The following MTMR7 variants were observed in gnomAD, a reference collection of about 807,000 sequenced individuals.
MTMR7 encodes myotubularin related protein 7.
MTMR7 carries 76 observed loss-of-function variants against 81.2 expected under a neutral mutation model. That is an observed-to-expected ratio of 0.94 (90% CI 0.78 to 1.13). The LOEUF (loss-of-function observed/expected upper bound fraction) is 1.13, where lower values mean the gene tolerates loss of function less well. Among genes scored for constraint, MTMR7 ranks in the 50% most tolerant of loss-of-function variants. MTMR7 has a pLI of 0.00. For synonymous variants in MTMR7, 372 were observed against 289.8 expected, an observed-to-expected ratio of 1.28 and a Z score of -2.88; for missense variants, 1,044 against 820.0, an observed-to-expected ratio of 1.27 and a Z score of -3.34.
chr8:17,403,538 A>G (rs926932292), intron 1 of MTMR7, among the ~76,000 whole-genome samples: 4 of 152,202 alleles, frequency 2.6e-5, no homozygotes, highest in African/African-American at 9.6e-5. Context: ...CTTTTTGCAC[A>G]GAATACATTT....
At chr8:17,362,743 A>C (rs1294105197) in intron 3 of MTMR7, among the ~76,000 whole-genome samples, 1 of 152,186 alleles carries the variant, frequency 6.6e-6, no homozygotes, top group African/African-American at 2.4e-5. Context: ...TGTCCTTAGC[A>C]TAGTGATAGT....
intron 1 of MTMR7, among the ~76,000 whole-genome samples, chr8:17,374,958 C>A (rs774350312): frequency 6.6e-6 from 1 of 151,212 alleles, no homozygotes; most frequent in Admixed American, 6.6e-5. Context: ...GCGTGGTGCC[C>A]GGCACCTATA....
chr8:17,331,721 A>G (rs139784999), intron 6 of MTMR7, among the ~76,000 whole-genome samples: 3 of 152,352 alleles, frequency 2.0e-5, no homozygotes, highest in East Asian at 1.9e-4. Context: ...TAGATTGCCA[A>G]TAAACACGTT....
In MTMR7 at chr8:17,313,204, C is replaced by A. The variant is rs191642228; in HGVS notation, c.975+88G>T. The stretch of plus-strand genomic sequence containing the variant: ...CCAGTCAGTGCAGTGCAGCTTAAGA[C>A]AGGGAAGCCCATGGCAGAGGGATAC... On this transcript the variant is annotated intron_variant, in intron 8 of 13. Coordinates refer to ENST00000180173, the MANE Select transcript of MTMR7 (RefSeq NM_004686.5). 9 of 915,992 alleles carry A rather than the reference C, an allele frequency of 9.8e-6. No homozygotes were observed. The Admixed American group carries it at 1.8e-4, about 18-fold the overall frequency. The allele number at this position is 915,992 out of a possible 1,614,324, so 56.7% of individuals were successfully genotyped here.
At chr8:17,379,682 A>G (rs950759369) in intron 1 of MTMR7, among the ~76,000 whole-genome samples, 4 of 152,052 alleles carry the variant, frequency 2.6e-5, no homozygotes, top group Non-Finnish European at 5.9e-5. Flanking sequence ...ATATAACAGG[A>G]AGAGAAGAAA....
In MTMR7 at chr8:17,304,450, C is replaced by T. The variant is rs1275627948; in HGVS notation, c.1422G>A (p.Leu474=). The change falls in exon 12 of 14, where the codon CTG becomes CTA. Residue 474 remains leucine, a synonymous_variant. Transcript: ENST00000180173. ...GAGTCTGGCTGTGATCAGCTCTAAA[C>T]AGAGGATTCAGGTAGTCGGCCCGAT... The part of the protein sequence containing the change: ...WKNRADYLNP[L]FRADHSQTQG... 2 of 1,614,098 alleles carry T rather than the reference C, an allele frequency of 1.2e-6. No individual in the cohort carries two copies. Among genetic ancestry groups the T allele is most frequent in the East Asian group, 2.2e-5 (1 of 44,874 alleles).
intron 1 of MTMR7, among the ~76,000 whole-genome samples, chr8:17,404,784 G>C (rs936764728): frequency 2.0e-5 from 3 of 152,046 alleles, no homozygotes; most frequent in African/African-American, 7.2e-5. Context: ...ATGTTTATCA[G>C]GTTTTTTTGT....
chr8:17,319,557 AAAT>A (rs1037003370), intron 7 of MTMR7, among the ~76,000 whole-genome samples: 2 of 152,122 alleles, frequency 1.3e-5, no homozygotes, highest in African/African-American at 2.4e-5. Flanking sequence ...GTTTTACCAG[AAAT>A]AATAATAATA....
chr8:17,377,758 G>C (rs1023353607), intron 1 of MTMR7, among the ~76,000 whole-genome samples: 3 of 151,966 alleles, frequency 2.0e-5, no homozygotes, highest in African/African-American at 7.2e-5. Flanking sequence ...GTCTATAATT[G>C]CACTTTTTAT....
chr8:17,365,266 G>GT (rs899559091), intron 3 of MTMR7, among the ~76,000 whole-genome samples: 4 of 152,018 alleles, frequency 2.6e-5, no homozygotes, highest in Admixed American at 2.6e-4. Flanking sequence ...CAGAGTACTT[G>GT]TTTTTTTTCC....
intron 3 of MTMR7, among the ~76,000 whole-genome samples, chr8:17,362,125 T>C (rs1311410976): frequency 6.6e-6 from 1 of 152,244 alleles, no homozygotes; most frequent in Non-Finnish European, 1.5e-5. Context: ...TATGTCATTT[T>C]AAATGTCCTT....
chr8:17,320,780 G>A (rs902731651), intron 7 of MTMR7, among the ~76,000 whole-genome samples: 8 of 152,062 alleles, frequency 5.3e-5, no homozygotes, highest in East Asian at 1.9e-4. Context: ...CTATGCACGC[G>A]GCCCTGAAAC....
intron 1 of MTMR7, among the ~76,000 whole-genome samples, chr8:17,402,184 T>C (rs1314214780): frequency 6.6e-6 from 1 of 152,178 alleles, no homozygotes; most frequent in Admixed American, 6.5e-5. Flanking sequence ...TGTGTAATAA[T>C]CACATCATGG....
chr8:17,340,998 G>C (rs771395234), intron 6 of MTMR7, among the ~76,000 whole-genome samples: 5 of 152,168 alleles, frequency 3.3e-5, no homozygotes, highest in Non-Finnish European at 4.4e-5. Context: ...TGAACTGCTG[G>C]AGCTCCAGAG....
At chr8:17,355,889 C>T (rs1255136124) in intron 4 of MTMR7, among the ~76,000 whole-genome samples, 1 of 152,160 alleles carries the variant, frequency 6.6e-6, no homozygotes, top group Non-Finnish European at 1.5e-5. Context: ...CCAATTCATA[C>T]CAATCAGTTT....
At chr8:17,340,507 A>G (rs4410943) in intron 6 of MTMR7, among the ~76,000 whole-genome samples, 55,504 of 152,052 alleles carry the variant, frequency 0.37, 13,476 homozygotes, top group East Asian at 0.71. Context: ...CTTTGTGTCC[A>G]TCCCTCTGGG....
chr8:17,374,205 G>T (rs1031104884), intron 1 of MTMR7, among the ~76,000 whole-genome samples: 1 of 152,208 alleles, frequency 6.6e-6, no homozygotes, highest in Non-Finnish European at 1.5e-5. Flanking sequence ...AGAAGCTGTG[G>T]GCCGGTGCAG....
intron 7 of MTMR7, among the ~76,000 whole-genome samples, chr8:17,327,887 T>G (rs867870944): frequency 6.6e-6 from 1 of 152,246 alleles, no homozygotes; most frequent in Admixed American, 6.5e-5. Flanking sequence ...TAAAAAATTA[T>G]GCTTTTTCAT....
chr8:17,309,252 C>G, intron 10 of MTMR7, 25 bp downstream of exon 10: 1 of 1,427,608 alleles, frequency 7.0e-7, no homozygotes, highest in South Asian at 1.2e-5. Flanking sequence ...TCTAAACATT[C>G]AAAACAGTCT....
Sources: allele counts gnomAD v4.1 joint callset (sites outside exome capture counted in the v4.1 genomes callset), GRCh38; gene constraint gnomAD v4.1.1; transcripts MANE v1.5; gene names NCBI Gene and HGNC (gene_info 2026-07-23, HGNC 2026-07-21).